Variants in USP3 observed in about 807,000 individuals in gnomAD.
USP3 encodes ubiquitin carboxyl-terminal hydrolase 3.
In USP3, 20 loss-of-function variants were observed where a neutral mutation model predicts 72.3. The observed-to-expected ratio is 0.28, with a 90% CI of 0.19 to 0.40. The LOEUF (loss-of-function observed/expected upper bound fraction) is 0.40, where lower values mean the gene tolerates loss of function less well. Ranked by LOEUF, USP3 falls within the 10% of genes least tolerant of loss-of-function variation. USP3 has a pLI of 1.00. For synonymous variants in USP3, 222 were observed against 225.3 expected (o/e 0.99, Z 0.13); for missense variants, 479 against 633.9 (o/e 0.76, Z 2.62).
intron 4 of USP3, 121 bp from the exon 5 acceptor site, chr15:63,556,546 C>T (rs1322229523): frequency 1.4e-5 from 9 of 640,290 alleles, no homozygotes; most frequent in Admixed American, 3.3e-5. Flanking sequence ...GTAGGCCTGA[C>T]GAAGCAGTCA....
chr15:63,525,571 T>C (rs1373886856), intron 1 of USP3, among the ~76,000 whole-genome samples: 2 of 152,182 alleles, frequency 1.3e-5, no homozygotes, highest in Non-Finnish European at 2.9e-5. Flanking sequence ...CAGTTCTTGC[T>C]CTCTTTTTGT....
chr15:63,575,513 T>C (rs1437747215), intron 11 of USP3, among the ~76,000 whole-genome samples: 1 of 152,164 alleles, frequency 6.6e-6, no homozygotes, highest in African/African-American at 2.4e-5. Flanking sequence ...TGTCAGATGA[T>C]ATGTGGGATG....
intron 11 of USP3, among the ~76,000 whole-genome samples, chr15:63,586,338 G>T (rs2067061462): frequency 6.6e-6 from 1 of 152,192 alleles, no homozygotes; most frequent in South Asian, 2.1e-4. Flanking sequence ...TCATGTTGAA[G>T]TTCTCCTTTT....
At chr15:63,525,600 C>T (rs1269996674) in intron 1 of USP3, among the ~76,000 whole-genome samples, 2 of 152,136 alleles carry the variant, frequency 1.3e-5, no homozygotes, top group Non-Finnish European at 2.9e-5. Flanking sequence ...CAACTCCTCC[C>T]CCTAATAATT....
Position 63,532,495 on chromosome 15 carries a change from C to T in USP3, c.92-152C>T, listed in dbSNP as rs2066091199. The T allele has an allele frequency of 1.1e-5, 9 of 783,232 alleles. No homozygotes were observed. The South Asian group carries it at 1.4e-4, about 12-fold the overall frequency. 48.5% of individuals were successfully genotyped at this position (783,232 alleles called of 1,614,324 possible). ...TTTTCAGTATAACTTAATTAGGCAG[C>T]CATTTTGTGTAAATGCATTCACAAA... On this transcript the variant is annotated intron_variant, in intron 1 of 14. Transcript: ENST00000380324.
intron 1 of USP3, among the ~76,000 whole-genome samples, chr15:63,519,241 G>A (rs2065887832): frequency 6.6e-6 from 1 of 151,824 alleles, no homozygotes; most frequent in Non-Finnish European, 1.5e-5. Flanking sequence ...TCTAATCCAG[G>A]ATCATGTGTT....
At chr15:63,573,417 C>A (rs1302104856) in intron 9 of USP3, among the ~76,000 whole-genome samples, 1 of 152,164 alleles carries the variant, frequency 6.6e-6, no homozygotes, top group African/African-American at 2.4e-5. Flanking sequence ...ACAGTATATT[C>A]TTCATCTCCA....
At chr15:63,510,262 T>G (rs1321468900) in intron 1 of USP3, among the ~76,000 whole-genome samples, 1 of 152,184 alleles carries the variant, frequency 6.6e-6, no homozygotes, top group Admixed American at 6.5e-5. Context: ...ATTCCTGTTT[T>G]AAAATTTGAG....
intron 4 of USP3, chr15:63,556,198 C>G (rs772662099): frequency 1.3e-5 from 2 of 152,470 alleles, no homozygotes; most frequent in Non-Finnish European, 2.9e-5. Flanking sequence ...TATCATTCCT[C>G]AAACTCAGAT....
chr15:63,543,025 A>G (rs1367283919), intron 3 of USP3, among the ~76,000 whole-genome samples: 1 of 152,208 alleles, frequency 6.6e-6, no homozygotes, highest in Non-Finnish European at 1.5e-5. Context: ...TGTGTGAGAA[A>G]TGTACACAAA....
chr15:63,512,630 A>G lies in USP3; in HGVS notation c.91+7800A>G, dbSNP rs2065806130. Among the ~76,000 whole-genome samples, 3 of 151,724 alleles carry G rather than the reference A, an allele frequency of 2.0e-5. No individual in the cohort carries two copies. The South Asian group carries it at 6.3e-4, about 32-fold the overall frequency. On this transcript the variant is annotated intron_variant, in intron 1 of 14. Coordinates refer to ENST00000380324, the MANE Select transcript of USP3 (RefSeq NM_006537.4). The stretch of plus-strand genomic sequence containing the variant: ...TGGCTAATTTTTGTGTTTTTAGTAG[A>G]GACGGGGTTTCACTGTGTTGGCCAG...
intron 3 of USP3, among the ~76,000 whole-genome samples, chr15:63,549,822 C>T (rs1254475153): frequency 6.6e-6 from 1 of 152,150 alleles, no homozygotes; most frequent in South Asian, 2.1e-4. Flanking sequence ...CGAATATTGG[C>T]AAGCATTTCT....
At chr15:63,512,261 T>A (rs1223463094) in intron 1 of USP3, among the ~76,000 whole-genome samples, 1 of 151,170 alleles carries the variant, frequency 6.6e-6, no homozygotes, top group Non-Finnish European at 1.5e-5. Context: ...TAAAACAGAT[T>A]TCCCCTCTTC....
Position 63,528,394 on chromosome 15 carries a change from A to C in USP3, c.92-4253A>C, listed in dbSNP as rs914149571. Among the ~76,000 whole-genome samples, 8 of 152,076 alleles carry C rather than the reference A, an allele frequency of 5.3e-5. No homozygotes were observed. Among genetic ancestry groups the C allele is most frequent in the African/African-American group, 1.5e-4 (6 of 41,342 alleles). ...TTGGATGTATTAAAGAGCCCTTATA[A>C]ATTCCCAGACTTAACTTTTTAAGCC... is the stretch of plus-strand genomic sequence containing the variant. On this transcript the variant is annotated intron_variant, in intron 1 of 14. Transcript: ENST00000380324. This position sits in a 1 kb window ranked among gnomAD's most constrained non-coding sequence, Gnocchi z 4.3.
At chr15:63,547,731 AGAGAGAGAGAGAGG>A (rs1364824128) in intron 3 of USP3, among the ~76,000 whole-genome samples, 1 of 42,778 alleles carries the variant, frequency 2.3e-5, no homozygotes, top group African/African-American at 1.0e-4. Flanking sequence ...ATAGAGAGAG[AGAGAGAGAGAGAGG>A]GAGGGAGGGA....
chr15:63,537,010 T>C lies in USP3; in HGVS notation c.153-15T>C. ...AAGCAATATTTAAAGTAAATTTTCA[T>C]TTGGTTTTTGTAAGGTATGTGAATG... On this transcript the variant is annotated splice_polypyrimidine_tract_variant and intron_variant, in intron 2 of 14. Transcript: ENST00000380324. The C allele has an allele frequency of 2.5e-6, 4 of 1,602,436 alleles. No individual in the cohort carries two copies. Among genetic ancestry groups the C allele is most frequent in the Non-Finnish European group, 2.6e-6 (3 of 1,175,772 alleles).
At chr15:63,551,496 A>G (rs1595740097) in intron 3 of USP3, among the ~76,000 whole-genome samples, 1 of 152,152 alleles carries the variant, frequency 6.6e-6, no homozygotes, top group Admixed American at 6.5e-5. Flanking sequence ...GTTCAAATAA[A>G]CAATTACAAT....
At chr15:63,512,945 A>T (rs1348108664) in intron 1 of USP3, among the ~76,000 whole-genome samples, 1 of 152,258 alleles carries the variant, frequency 6.6e-6, no homozygotes, top group Non-Finnish European at 1.5e-5. Context: ...ACTAGCTAAT[A>T]TAATTTTATA....
intron 6 of USP3, 139 bp downstream of exon 6, chr15:63,558,327 AT>A: frequency 1.1e-6 from 1 of 915,460 alleles, no homozygotes; most frequent in East Asian, 2.6e-5. Context: ...TTGTTTCCTC[AT>A]CAGTAAAATT....
Sources: gnomAD v4.1 joint callset for allele counts (sites outside exome capture counted in the v4.1 genomes callset) on GRCh38, gnomAD v4.1.1 for gene constraint, Gnocchi (gnomAD v3.1) non-coding constraint, MANE v1.5 for transcripts, NCBI Gene and HGNC (gene_info 2026-07-23, HGNC 2026-07-21) for gene names.